CLSTN2: variants seen among roughly 807,000 people sequenced by gnomAD.
CLSTN2 encodes calsyntenin 2.
In CLSTN2, 48 loss-of-function variants were observed where a neutral mutation model predicts 101.2. The ratio of observed to expected loss-of-function variants is 0.47; its 90% CI spans 0.38 to 0.60. CLSTN2 has a LOEUF of 0.60. Among genes scored for constraint, CLSTN2 ranks in the 20% least tolerant of loss-of-function variants. The pLI is 0.00. For missense variants in CLSTN2, 1,160 were observed against 1,238.2 expected (o/e 0.94, Z 0.95); for synonymous variants, 481 against 463.6 (o/e 1.04, Z -0.48).
chr3:140,564,461 C>T (rs1935991891), intron 16 of CLSTN2, among the ~76,000 whole-genome samples: 1 of 152,226 alleles, frequency 6.6e-6, no homozygotes, highest in Non-Finnish European at 1.5e-5. Context: ...TAGTATTTAG[C>T]TCAGAGCTAA....
intron 2 of CLSTN2, among the ~76,000 whole-genome samples, chr3:140,217,483 A>C (rs762497665): frequency 5.3e-5 from 8 of 152,238 alleles, no homozygotes; most frequent in Non-Finnish European, 8.8e-5. Flanking sequence ...AAAACTGGTT[A>C]TCATTCAACA....
At chr3:140,032,798 T>C (rs182544638) in intron 1 of CLSTN2, among the ~76,000 whole-genome samples, 1 of 152,238 alleles carries the variant, frequency 6.6e-6, no homozygotes, top group Non-Finnish European at 1.5e-5. Flanking sequence ...GCAAATCCCT[T>C]GGTCTCATGT....
At chr3:140,430,466 T>C (rs967498707) in intron 5 of CLSTN2, among the ~76,000 whole-genome samples, 1 of 152,206 alleles carries the variant, frequency 6.6e-6, no homozygotes, top group Non-Finnish European at 1.5e-5. Context: ...TTATTCTTAG[T>C]GCATGTAGAT....
chr3:140,440,516 G>C (rs941925311), intron 5 of CLSTN2, among the ~76,000 whole-genome samples: 32 of 152,170 alleles, frequency 2.1e-4, no homozygotes, highest in African/African-American at 7.7e-4. Context: ...GTAATTTAAT[G>C]CTCAAAAATG....
At chr3:140,414,519 G>T (rs933366749) in intron 4 of CLSTN2, among the ~76,000 whole-genome samples, 2 of 151,910 alleles carry the variant, frequency 1.3e-5, no homozygotes, top group African/African-American at 2.4e-5. Flanking sequence ...TAAGCTATGG[G>T]TATGCAAAGG....
intron 7 of CLSTN2, 43 bp from the exon 8 acceptor site, chr3:140,466,567 A>G (rs1443235834): frequency 4.3e-6 from 7 of 1,613,274 alleles, no homozygotes; most frequent in African/African-American, 1.3e-5. Context: ...GGAGGCTGAC[A>G]CAGGGGTTCT....
chr3:140,190,358 A>G (rs980578980), intron 2 of CLSTN2, among the ~76,000 whole-genome samples: 15 of 138,722 alleles, frequency 1.1e-4, no homozygotes, highest in African/African-American at 4.1e-4. Context: ...ATTACTCTCA[A>G]TTTTTTTTTC....
chr3:140,257,567 T>G (rs1429127432), intron 2 of CLSTN2, among the ~76,000 whole-genome samples: 97 of 137,162 alleles, frequency 7.1e-4, no homozygotes, highest in African/African-American at 3.3e-3. Context: ...TAGGGGTGTG[T>G]GTGTGTGTGT....
chr3:140,236,857 G>A (rs916573852), intron 2 of CLSTN2, among the ~76,000 whole-genome samples: 2 of 115,414 alleles, frequency 1.7e-5, no homozygotes, highest in Non-Finnish European at 3.8e-5. Context: ...GTGTGTGTGT[G>A]TGTGTGTATA....
chr3:140,353,014 A>G (rs2087627350), intron 2 of CLSTN2, among the ~76,000 whole-genome samples: 1 of 152,178 alleles, frequency 6.6e-6, no homozygotes, highest in African/African-American at 2.4e-5. Context: ...TTCCCTTAAC[A>G]ATATAGCATA....
chr3:140,506,297 A>G (rs1934682943), intron 8 of CLSTN2: 1 of 152,242 alleles, frequency 6.6e-6, no homozygotes. Context: ...CCATGTCAGG[A>G]GATGCCTCCC....
In CLSTN2 at chr3:140,567,359, T is replaced by A. The variant is rs1394392562; in HGVS notation, c.*1106T>A. The A allele has an allele frequency of 6.6e-6, 1 of 152,240 alleles. No individual in the cohort carries two copies. The highest frequency in any genetic ancestry group is 1.5e-5 in the Non-Finnish European group (1 of 68,038). The allele number at this position is 152,240 out of a possible 1,614,324, so 9.4% of individuals were successfully genotyped here. A position where few individuals can be genotyped will look rare whatever the true frequency, so the allele number is the denominator to read the frequency against. On this transcript the variant is annotated 3_prime_UTR_variant, in exon 17 of 17. Coordinates refer to ENST00000458420, the MANE Select transcript of CLSTN2 (RefSeq NM_022131.3). ...AGAAACGCACGAGCTCCACCAAGTC[T>A]ACAATGAAAGTTTGAAATTTAACTG... is the stretch of plus-strand genomic sequence containing the variant.
At chr3:140,527,825 C>T (rs756255854) in intron 8 of CLSTN2, among the ~76,000 whole-genome samples, 2 of 152,056 alleles carry the variant, frequency 1.3e-5, no homozygotes, top group Non-Finnish European at 2.9e-5. Context: ...AAAAAGAAAA[C>T]CAAATACCGT....
chr3:140,574,419 G>A lies in CLSTN2; in HGVS notation c.*8166G>A, dbSNP rs1494529. 0.097 allele frequency: 14,743 copies of A among 152,180 alleles called. 785 individuals are homozygous for A. Among genetic ancestry groups the A allele is most frequent in the Non-Finnish European group, 0.12 (8,085 of 68,020 alleles). The allele number at this position is 152,180 out of a possible 1,614,324, so 9.4% of individuals were successfully genotyped here. A position where few individuals can be genotyped will look rare whatever the true frequency, so the allele number is the denominator to read the frequency against. Reference sequence around the variant, plus strand: ...GGTGAGGCCTGCTTGCTCCACCGTCGAGGTCATGGGCAGCATCCCAACTGA... The same window carrying A: ...GGTGAGGCCTGCTTGCTCCACCGTCAAGGTCATGGGCAGCATCCCAACTGA... On this transcript the variant is annotated 3_prime_UTR_variant, in exon 17 of 17. Coordinates refer to ENST00000458420, the MANE Select transcript of CLSTN2 (RefSeq NM_022131.3).
intron 1 of CLSTN2, among the ~76,000 whole-genome samples, chr3:140,165,398 C>T (rs984212966): frequency 6.6e-6 from 1 of 152,168 alleles, no homozygotes; most frequent in African/African-American, 2.4e-5. Context: ...GTGTTAGGAA[C>T]TGTAGACATC....
intron 2 of CLSTN2, among the ~76,000 whole-genome samples, chr3:140,354,940 G>C (rs1169430117): frequency 6.6e-6 from 1 of 152,140 alleles, no homozygotes; most frequent in African/African-American, 2.4e-5. Context: ...ACTCTTCAGG[G>C]TGTGAGGTGG....
At chr3:140,332,008 G>C (rs2087387840) in intron 2 of CLSTN2, among the ~76,000 whole-genome samples, 1 of 152,164 alleles carries the variant, frequency 6.6e-6, no homozygotes, top group African/African-American at 2.4e-5. Context: ...TTGCAGACAT[G>C]AATCAATTCA....
intron 1 of CLSTN2, among the ~76,000 whole-genome samples, chr3:139,960,338 T>A (rs1279882577): frequency 6.6e-6 from 1 of 152,150 alleles, no homozygotes; most frequent in African/African-American, 2.4e-5. Context: ...CCCCCACATT[T>A]CCCTTTCAGA....
rs1426650465 is a variant in CLSTN2 at position 139,955,644 on chromosome 3, G to T, written c.109+20161G>T. Among the ~76,000 whole-genome samples the T allele has an allele frequency of 1.1e-3, 6 of 5,330 alleles. No individual in the cohort carries two copies. The Admixed American group carries it at 0.021, about 18-fold the overall frequency. 3.5% of individuals were successfully genotyped at this position (5,330 alleles called of 152,430 possible). ...GTGCACAGGGACTTCTGTGGATTCA[G>T]CTGAGTCCCTCTTCGAAGTCATCTA... On this transcript the variant is annotated intron_variant, in intron 1 of 16. Coordinates refer to ENST00000458420, the MANE Select transcript of CLSTN2 (RefSeq NM_022131.3).
Sources: gnomAD v4.1 joint callset for allele counts (sites outside exome capture counted in the v4.1 genomes callset) on GRCh38, gnomAD v4.1.1 for gene constraint, MANE v1.5 for transcripts, NCBI Gene and HGNC (gene_info 2026-07-23, HGNC 2026-07-21) for gene names.